HEXB: variants seen among roughly 807,000 people sequenced by gnomAD.
HEXB encodes beta-hexosaminidase subunit beta.
In HEXB, 51 loss-of-function variants were observed where a neutral mutation model predicts 71.2. The ratio of observed to expected loss-of-function variants is 0.72; its 90% CI spans 0.57 to 0.90. The LOEUF (loss-of-function observed/expected upper bound fraction) is 0.90. Ranked by LOEUF, HEXB falls within the 40% of genes least tolerant of loss-of-function variation. The pLI is 0.00. For missense variants in HEXB, 617 were observed against 677.0 expected, an observed-to-expected ratio of 0.91 and a Z score of 0.98; for synonymous variants, 266 against 249.3, an observed-to-expected ratio of 1.07 and a Z score of -0.63.
intron 5 of HEXB, among the ~76,000 whole-genome samples, chr5:74,701,938 C>T (rs1170169471): frequency 6.6e-6 from 1 of 152,072 alleles, no homozygotes; most frequent in East Asian, 1.9e-4. Context: ...AATACGCAGA[C>T]CCCATTCAAA....
At chr5:74,716,491 A>T in intron 8 of HEXB, 96 bp from the exon 9 acceptor site, 1 of 706,344 alleles carries the variant, frequency 1.4e-6, no homozygotes. Context: ...TAATAGTTTT[A>T]AGTCTGCACA....
chr5:74,652,734 C>A lies in HEXB; in HGVS notation c.-377+12176C>A, dbSNP rs1748143103. ...AGTCAGGGATAGAGGCTCATCTGGT[C>A]CTCCCACATCTGCCCACAGCACCAG... On this transcript the variant is annotated intron_variant, in intron 1 of 13. Coordinates refer to the HEXB transcript ENST00000511181. This position sits in a 1 kb window ranked among gnomAD's most constrained non-coding sequence, Gnocchi z 5.4. 1.3e-5 allele frequency among the ~76,000 whole-genome samples: 2 copies of A among 152,054 alleles called. No individual in the cohort carries two copies. Among genetic ancestry groups the A allele is most frequent in the Admixed American group, 1.3e-4 (2 of 15,260 alleles).
chr5:74,714,286 T>C (rs527273839), intron 7 of HEXB, among the ~76,000 whole-genome samples: 3 of 152,372 alleles, frequency 2.0e-5, no homozygotes, highest in East Asian at 1.9e-4. Context: ...TCTGTGTCTA[T>C]TGTGAGCAAG....
Position 74,718,351 on chromosome 5 carries a change from T to C in HEXB, c.1230T>C (p.Asp410=). The C allele has an allele frequency of 6.2e-7, 1 of 1,610,238 alleles. No homozygotes were observed. Among genetic ancestry groups the C allele is most frequent in the Non-Finnish European group, 8.5e-7 (1 of 1,176,492 alleles). ...KGSIVWQEVF[D]DKAKLAPGTI... is the part of the protein sequence containing the mutation. ...CCATTGTCTGGCAGGAGGTTTTTGA[T>C]GATAAAGCAAAGGTGAGCATTGTGA... The change falls in exon 10 of 14, where the codon GAT becomes GAC. Residue 410 remains aspartate (D), a synonymous_variant. Coordinates refer to ENST00000261416, the MANE Select transcript of HEXB (RefSeq NM_000521.4).
chr5:74,665,745 T>C (rs185854597), intron 1 of HEXB, among the ~76,000 whole-genome samples: 1 of 152,158 alleles, frequency 6.6e-6, no homozygotes, highest in East Asian at 1.9e-4. Flanking sequence ...AGAAGGGAAA[T>C]TTTATATACC....
At chr5:74,688,686 T>C (rs937076629) in intron 1 of HEXB, among the ~76,000 whole-genome samples, 17 of 152,206 alleles carry the variant, frequency 1.1e-4, no homozygotes, top group Non-Finnish European at 2.5e-4. Flanking sequence ...ATTCTGGACC[T>C]TCTTTTGGGG....
chr5:74,682,511 A>G (rs1748758412), upstream of HEXB, among the ~76,000 whole-genome samples: 1 of 152,250 alleles, frequency 6.6e-6, no homozygotes, highest in African/African-American at 2.4e-5. Flanking sequence ...GAACTGTGAG[A>G]TATTTATCTT....
upstream of HEXB, among the ~76,000 whole-genome samples, chr5:74,680,295 G>A (rs556862995): frequency 1.3e-5 from 2 of 152,288 alleles, no homozygotes; most frequent in South Asian, 2.1e-4. Flanking sequence ...CTACAGACTC[G>A]TTGTTGCCTC....
chr5:74,705,572 G>C (rs576989047), intron 6 of HEXB: 3 of 472,052 alleles, frequency 6.4e-6, no homozygotes, highest in East Asian at 4.0e-5. Context: ...AATTTAACAA[G>C]GTAGAAGCCC....
At chr5:74,669,331 C>G (rs900786181) in intron 1 of HEXB, among the ~76,000 whole-genome samples, 1 of 151,574 alleles carries the variant, frequency 6.6e-6, no homozygotes, top group Admixed American at 6.6e-5. Context: ...GAGCATTATT[C>G]AAATCTAAGC....
At chr5:74,640,910 TTAATCGGGAGAG>T (rs924156975) in intron 1 of HEXB, 1 of 148,860 alleles carries the variant, frequency 6.7e-6, no homozygotes, top group Non-Finnish European at 1.5e-5. Context: ...GTCGGGGGAG[TTAATCGGGAGAG>T]GAAGCGGGAG....
At chr5:74,685,033 T>G (rs1384447667), upstream of HEXB, 2 of 525,556 alleles carry the variant, frequency 3.8e-6, no homozygotes, top group Non-Finnish European at 6.6e-6. Flanking sequence ...CTGTCTGGGC[T>G]CTGCTCCTAC....
chr5:74,642,833 G>T (rs1289561179), intron 1 of HEXB, among the ~76,000 whole-genome samples: 1 of 152,140 alleles, frequency 6.6e-6, no homozygotes, highest in Non-Finnish European at 1.5e-5. Context: ...AGAAAGGAAA[G>T]AAATCCGCTG....
chr5:74,652,116 CTCTTTT>C lies in HEXB; in HGVS notation c.-377+11559_-377+11564del, dbSNP rs1748122828. 6.6e-6 allele frequency among the ~76,000 whole-genome samples: 1 copy of C among 152,124 alleles called. No homozygotes were observed. The highest frequency in any genetic ancestry group is 1.5e-5 in the Non-Finnish European group (1 of 68,022). On this transcript the variant is annotated intron_variant, in intron 1 of 13. Transcript: ENST00000511181. The surrounding 1 kb of genome is among the most constrained non-coding windows in gnomAD (Gnocchi z 5.4). ...TCTACGTGGAAATTAAAATGATGAA[CTCTTTT>C]ACGTGAGTAGGTAATACATATGCAT...
chr5:74,661,503 T>TCC (rs1561204724), intron 1 of HEXB, among the ~76,000 whole-genome samples: 1 of 109,978 alleles, frequency 9.1e-6, no homozygotes, highest in African/African-American at 2.9e-5. Context: ...TGAATTCATT[T>TCC]TCTCTCTCTC....
chr5:74,676,377 G>A (rs1213290801), intron 1 of HEXB, among the ~76,000 whole-genome samples: 2 of 152,132 alleles, frequency 1.3e-5, no homozygotes, highest in African/African-American at 2.4e-5. Context: ...CTGGCCTCAA[G>A]CAATTAATCT....
At chr5:74,704,734 T>C (rs1383643890) in intron 5 of HEXB, among the ~76,000 whole-genome samples, 1 of 152,230 alleles carries the variant, frequency 6.6e-6, no homozygotes, top group Non-Finnish European at 1.5e-5. Context: ...TTTTGTATAC[T>C]GATGTGTCAT....
intron 1 of HEXB, among the ~76,000 whole-genome samples, chr5:74,659,507 A>T (rs16872157): frequency 0.016 from 2,438 of 152,326 alleles, 75 homozygotes; most frequent in African/African-American, 0.054. Context: ...GTAGTGAAAT[A>T]TGAGTCAGTT....
intron 1 of HEXB, among the ~76,000 whole-genome samples, chr5:74,686,931 A>G (rs1248220965): frequency 6.6e-6 from 1 of 152,250 alleles, no homozygotes; most frequent in Non-Finnish European, 1.5e-5. Flanking sequence ...TCATACTGCT[A>G]AGTAAAACAA....
Sources: gnomAD v4.1 joint callset for allele counts (sites outside exome capture counted in the v4.1 genomes callset) on GRCh38, gnomAD v4.1.1 for gene constraint, Gnocchi (gnomAD v3.1) non-coding constraint, MANE v1.5 for transcripts, NCBI Gene and HGNC (gene_info 2026-07-23, HGNC 2026-07-21) for gene names.